Variants in HHIP observed in about 807,000 individuals in gnomAD.
The protein encoded by HHIP is hedgehog-interacting protein.
HHIP carries 12 observed loss-of-function variants against 74.0 expected under a neutral mutation model. The observed-to-expected ratio is 0.16, with a 90% CI of 0.10 to 0.26. The LOEUF is 0.26. Ranked by LOEUF, HHIP falls within the 10% of genes least tolerant of loss-of-function variation. The pLI is 1.00. For missense variants in HHIP, 788 were observed against 845.0 expected (o/e 0.93, Z 0.84); for synonymous variants, 309 against 311.6 (o/e 0.99, Z 0.09).
rs184189534 is a variant in HHIP, at chr4:144,724,086, T to C, written c.1760+5130T>C. Among the ~76,000 whole-genome samples the C allele has an allele frequency of 3.2e-4, 49 of 152,246 alleles. No individual in the cohort carries two copies. In the East Asian group the frequency reaches 7.9e-3, roughly 25 times the overall value. On this transcript the variant is annotated intron_variant, in intron 11 of 12. Coordinates refer to ENST00000296575, the MANE Select transcript of HHIP (RefSeq NM_022475.3). ...ACAAAAGATTTGGGCAACATCAAAG[T>C]TGAAACTTCTAATGAATGGATGAGC...
At chr4:144,652,160 T>G (rs1176937747) in intron 1 of HHIP, among the ~76,000 whole-genome samples, 1 of 152,102 alleles carries the variant, frequency 6.6e-6, no homozygotes, top group Admixed American at 6.6e-5. Flanking sequence ...ATTAAGAATT[T>G]CAGGAATGAA....
chr4:144,680,228 T>G (rs527248781), intron 4 of HHIP, among the ~76,000 whole-genome samples: 4 of 152,020 alleles, frequency 2.6e-5, no homozygotes, highest in Non-Finnish European at 4.4e-5. Flanking sequence ...ATGTCCTCAC[T>G]GTGCTTTACC....
In HHIP at chr4:144,715,426, A is replaced by T. The variant is rs199731773; in HGVS notation, c.1674A>T (p.Glu558Asp). 6.2e-7 allele frequency: 1 copy of T among 1,613,074 alleles called. No homozygotes were observed. Among genetic ancestry groups the T allele is most frequent in the Non-Finnish European group, 8.5e-7 (1 of 1,179,348 alleles). ...SGHILGFGED[E>D]LGEVYILSSS... ...ACATCTTGGGATTTGGAGAAGATGA[A>T]CTAGGTACTGTACAATCTAGTTCTG... Residue 558 changes from glutamate to aspartate, a missense_variant, in exon 10 of 13, where the codon GAA becomes GAT. Glu to Asp is a conservative substitution (Grantham distance 45, BLOSUM62 2). Transcript: ENST00000296575.
rs1578738829 is a variant in HHIP, at chr4:144,744,086, G to A, written c.*6129G>A. On this transcript the variant is annotated 3_prime_UTR_variant, in exon 13 of 13. Coordinates refer to ENST00000296575, the MANE Select transcript of HHIP (RefSeq NM_022475.3). ...CTCATTATATTCACAGCATATGTTT[G>A]GACATGCGTTTCACCAAGAACCATG... is the stretch of plus-strand genomic sequence containing the variant. The A allele has an allele frequency of 6.6e-6, 1 of 151,992 alleles. No homozygotes were observed. Among genetic ancestry groups the A allele is most frequent in the Non-Finnish European group, 1.5e-5 (1 of 67,984 alleles). 9.4% of individuals were successfully genotyped at this position (151,992 alleles called of 1,614,324 possible).
chr4:144,695,246 T>C (rs575584764), intron 4 of HHIP, among the ~76,000 whole-genome samples: 1 of 151,958 alleles, frequency 6.6e-6, no homozygotes, highest in South Asian at 2.1e-4. Context: ...TCTCCAAACA[T>C]AAATAGTATT....
chr4:144,726,821 C>T (rs544472358), intron 11 of HHIP, among the ~76,000 whole-genome samples: 3 of 152,316 alleles, frequency 2.0e-5, no homozygotes, highest in African/African-American at 7.2e-5. Flanking sequence ...CCCTCTCTCT[C>T]GATGCATCCC....
chr4:144,662,629 C>T (rs1157317064), intron 4 of HHIP, among the ~76,000 whole-genome samples: 1 of 152,170 alleles, frequency 6.6e-6, no homozygotes. Flanking sequence ...ATCACTATTA[C>T]TGGCACTGTG....
chr4:144,721,598 A>G (rs2126674048), intron 11 of HHIP, among the ~76,000 whole-genome samples: 1 of 151,672 alleles, frequency 6.6e-6, no homozygotes, highest in Admixed American at 6.6e-5. Context: ...TTTAAGGAAA[A>G]AAAAAAAAAA....
intron 4 of HHIP, among the ~76,000 whole-genome samples, chr4:144,675,374 G>C (rs946464470): frequency 6.6e-6 from 1 of 152,000 alleles, no homozygotes; most frequent in African/African-American, 2.4e-5. Context: ...TAACTTTGTT[G>C]TCTTCATTAC....
intron 4 of HHIP, among the ~76,000 whole-genome samples, chr4:144,703,730 G>T (rs1161164510): frequency 6.6e-6 from 1 of 152,098 alleles, no homozygotes; most frequent in Admixed American, 6.6e-5. Context: ...GGCCAGTCCC[G>T]GCTCCAGGCA....
At chr4:144,712,954 A>G (rs1269920196) in intron 8 of HHIP, among the ~76,000 whole-genome samples, 3 of 128,410 alleles carry the variant, frequency 2.3e-5, no homozygotes, top group Admixed American at 7.4e-5. Context: ...TGTGATTTGG[A>G]AAAAAAAAAA....
At chr4:144,733,989 A>G (rs1198705697) in intron 11 of HHIP, among the ~76,000 whole-genome samples, 1 of 152,080 alleles carries the variant, frequency 6.6e-6, no homozygotes, top group Non-Finnish European at 1.5e-5. Flanking sequence ...TGCTACTTTT[A>G]GCATTCTTTT....
rs1317299358 is a variant in HHIP, at chr4:144,721,772, G to A, written c.1760+2816G>A. On this transcript the variant is annotated intron_variant, in intron 11 of 12. Transcript: ENST00000296575. ...CAAAAAATTAGCTGGGCATGGTAGC[G>A]GGTGCCTGTAATCCCAGCTACTCAG... is the stretch of plus-strand genomic sequence containing the variant. 5.9e-5 allele frequency among the ~76,000 whole-genome samples: 9 copies of A among 151,626 alleles called. No homozygotes were observed. The South Asian group carries it at 8.3e-4, about 14-fold the overall frequency.
chr4:144,718,336 C>T (rs924895946), intron 10 of HHIP, among the ~76,000 whole-genome samples: 1 of 152,100 alleles, frequency 6.6e-6, no homozygotes. Context: ...GAGACAGAAG[C>T]CTGAGCTGGG....
chr4:144,709,929 C>G (rs1730245378), intron 7 of HHIP, among the ~76,000 whole-genome samples: 1 of 152,234 alleles, frequency 6.6e-6, no homozygotes, highest in Non-Finnish European at 1.5e-5. Context: ...CTGACATTGA[C>G]ACGTCATAAT....
At chr4:144,693,342 A>C (rs965239188) in intron 4 of HHIP, among the ~76,000 whole-genome samples, 3 of 152,090 alleles carry the variant, frequency 2.0e-5, no homozygotes, top group African/African-American at 7.2e-5. Context: ...CACAGTCTCA[A>C]GCAATTTTAA....
chr4:144,685,604 C>G (rs1240010969), intron 4 of HHIP: 1 of 152,006 alleles, frequency 6.6e-6, no homozygotes, highest in African/African-American at 2.4e-5. Context: ...TTCACAGGAC[C>G]TTCTCATCCT....
intron 12 of HHIP, among the ~76,000 whole-genome samples, chr4:144,737,233 G>A (rs1309147165): frequency 6.6e-6 from 1 of 152,150 alleles, no homozygotes; most frequent in Non-Finnish European, 1.5e-5. Flanking sequence ...TATGCTGTCT[G>A]CCCCCTGGAA....
At chr4:144,724,331 A>G (rs1215041117) in intron 11 of HHIP, among the ~76,000 whole-genome samples, 1 of 152,150 alleles carries the variant, frequency 6.6e-6, no homozygotes, top group East Asian at 1.9e-4. Context: ...TAAAGGGTTT[A>G]TGTCTTATTT....
Sources: gnomAD v4.1 joint callset for allele counts (sites outside exome capture counted in the v4.1 genomes callset) on GRCh38, gnomAD v4.1.1 for gene constraint, MANE v1.5 for transcripts, NCBI Gene and HGNC (gene_info 2026-07-23, HGNC 2026-07-21) for gene names.